The following WASHC5 variants were observed in gnomAD, a reference collection of about 807,000 sequenced individuals.
WASHC5 encodes WASH complex subunit 5, also known as WASH complex subunit strumpellin.
In WASHC5, 101 loss-of-function variants were observed where a neutral mutation model predicts 150.4. That is an observed-to-expected ratio of 0.67 (90% confidence interval 0.57 to 0.79). The LOEUF (loss-of-function observed/expected upper bound fraction) is 0.79. Among genes scored for constraint, WASHC5 ranks in the 30% least tolerant of loss-of-function variants. The probability of loss-of-function intolerance (pLI) is 0.00; values close to 1 mark genes in which losing one functional copy is unlikely to be tolerated. For missense variants in WASHC5, 1,195 were observed against 1,396.3 expected (o/e 0.86, Z 2.30); for synonymous variants, 467 against 491.2 (o/e 0.95, Z 0.65).
At chr8:125,057,509 C>T in intron 15 of WASHC5, 47 bp downstream of exon 15, 1 of 1,215,896 alleles carries the variant, frequency 8.2e-7, no homozygotes, top group Non-Finnish European at 1.2e-6. Context: ...GTATTTAAAA[C>T]AGCAGTTATC....
At chr8:125,087,469 C>G (rs1302613571) in intron 1 of WASHC5, among the ~76,000 whole-genome samples, 1 of 152,112 alleles carries the variant, frequency 6.6e-6, no homozygotes, top group Admixed American at 6.5e-5. Flanking sequence ...TGGCTCACAC[C>G]TGTAATCCTA....
In WASHC5 at chr8:125,087,582, T is replaced by C. The variant is rs139690676; in HGVS notation, c.-124-3560A>G. Among the ~76,000 whole-genome samples the C allele has an allele frequency of 1.7e-4, 26 of 151,890 alleles. No individual in the cohort carries two copies. In the East Asian group the frequency reaches 3.7e-3, roughly 21 times the overall value. ...TTGTCTCTACTAAAAATCAAAAGAA[T>C]ATCAGTCAGGTATGGTGGTGCGAGC... On this transcript the variant is annotated intron_variant, in intron 1 of 28. Coordinates refer to ENST00000318410, the MANE Select transcript of WASHC5 (RefSeq NM_014846.4).
At chr8:125,081,119 T>C (rs1272856489) in intron 5 of WASHC5, among the ~76,000 whole-genome samples, 2 of 152,134 alleles carry the variant, frequency 1.3e-5, no homozygotes, top group East Asian at 1.9e-4. Context: ...ATACTTCTAA[T>C]AATCTATAAT....
intron 26 of WASHC5, 135 bp downstream of exon 26, chr8:125,037,102 T>C (rs1815731790): frequency 3.0e-6 from 2 of 666,676 alleles, no homozygotes; most frequent in African/African-American, 3.6e-5. Context: ...GCATAAAGAC[T>C]CGAATTTCAT....
At chr8:125,030,847 G>A (rs1586331789) in intron 27 of WASHC5, among the ~76,000 whole-genome samples, 1 of 152,096 alleles carries the variant, frequency 6.6e-6, no homozygotes, top group African/African-American at 2.4e-5. Flanking sequence ...ACTATGGTGA[G>A]CAGCCTCTAA....
Position 125,044,610 on chromosome 8 carries a change from G to A in WASHC5, c.2593C>T (p.Gln865Ter). ...AGACCAAAGGTTCCCAAGGTGGTCT[G>A]GATTTCTGAGAAGAGGCGGCTGCTG... ...VTSSRLFSEI[Q>*]TTLGTFGLNG... Residue 865 changes from glutamine (Q) to a stop codon, truncating the protein, a stop_gained, in exon 21 of 29, where the codon CAG becomes TAG. Transcript: ENST00000318410. LOFTEE classifies it high-confidence loss of function. The A allele has an allele frequency of 1.2e-6, 2 of 1,614,068 alleles. No individual in the cohort carries two copies. The highest frequency in any genetic ancestry group is 1.7e-6 in the Non-Finnish European group (2 of 1,179,950).
At chr8:125,078,536 A>G (rs1004381037) in intron 6 of WASHC5, among the ~76,000 whole-genome samples, 4 of 152,168 alleles carry the variant, frequency 2.6e-5, no homozygotes, top group African/African-American at 9.7e-5. Flanking sequence ...CTCAAATTCC[A>G]TCTTCTCCCT....
intron 1 of WASHC5, among the ~76,000 whole-genome samples, chr8:125,090,428 A>T (rs1372949580): frequency 1.3e-5 from 2 of 152,238 alleles, no homozygotes; most frequent in African/African-American, 4.8e-5. Flanking sequence ...ATGTTAAATT[A>T]TCCTTTCAGA....
At chr8:125,028,449 C>G (rs964095621) in intron 28 of WASHC5, among the ~76,000 whole-genome samples, 171 bp downstream of exon 28, 3 of 152,180 alleles carry the variant, frequency 2.0e-5, no homozygotes, top group Admixed American at 1.3e-4. Context: ...AGGCAATTCC[C>G]ATGGTGGAAA....
At chr8:125,044,132 A>G in intron 21 of WASHC5, 38 bp from the exon 22 acceptor site, 1 of 1,365,852 alleles carries the variant, frequency 7.3e-7, no homozygotes, top group Non-Finnish European at 1.0e-6. Flanking sequence ...ACCAAACATA[A>G]TGAATTAAAC....
intron 20 of WASHC5, among the ~76,000 whole-genome samples, chr8:125,046,882 G>A (rs1586348683): frequency 6.6e-6 from 1 of 152,170 alleles, no homozygotes; most frequent in Non-Finnish European, 1.5e-5. Context: ...GCTCCTATGA[G>A]AATCTAGTAC....
At chr8:125,078,962 C>G in intron 5 of WASHC5, 32 bp from the exon 6 acceptor site, 1 of 1,559,208 alleles carries the variant, frequency 6.4e-7, no homozygotes, top group Non-Finnish European at 8.8e-7. Flanking sequence ...AAACAAAGAC[C>G]CAAAACACAC....
intron 27 of WASHC5, among the ~76,000 whole-genome samples, chr8:125,031,979 T>C (rs1392810108): frequency 2.0e-5 from 3 of 152,124 alleles, no homozygotes; most frequent in African/African-American, 4.8e-5. Flanking sequence ...TTCTTCCCCA[T>C]GGTAGTTACT....
intron 25 of WASHC5, among the ~76,000 whole-genome samples, 158 bp downstream of exon 25, chr8:125,038,672 A>G (rs1815787359): frequency 6.6e-6 from 1 of 152,168 alleles, no homozygotes; most frequent in Non-Finnish European, 1.5e-5. Flanking sequence ...AGGCGGGGAA[A>G]GTGTGATGAT....
chr8:125,044,829 T>TGC, intron 20 of WASHC5, 131 bp from the exon 21 acceptor site: 1 of 944,622 alleles, frequency 1.1e-6, no homozygotes, highest in South Asian at 1.3e-5. Flanking sequence ...TTCTAACCTC[T>TGC]GTATTCAGGC....
chr8:125,032,677 A>C, intron 26 of WASHC5: 1 of 426,196 alleles, frequency 2.3e-6, no homozygotes, highest in Non-Finnish European at 4.4e-6. Context: ...TATTGTAGCA[A>C]TTTTTAAAGA....
chr8:125,063,152 TC>T (rs1346438942), intron 11 of WASHC5, among the ~76,000 whole-genome samples: 6 of 151,542 alleles, frequency 4.0e-5, no homozygotes, highest in African/African-American at 1.5e-4. Context: ...ATAGATCCTT[TC>T]CCCCCTTTCC....
chr8:125,027,402 T>C (rs1264132136), intron 28 of WASHC5, among the ~76,000 whole-genome samples: 1 of 152,178 alleles, frequency 6.6e-6, no homozygotes, highest in Non-Finnish European at 1.5e-5. Flanking sequence ...GATAAAGAAA[T>C]TGTGATATAT....
chr8:125,028,549 T>A lies in WASHC5; in HGVS notation c.3423+71A>T, dbSNP rs924927180. On this transcript the variant is annotated intron_variant, in intron 28 of 28. Transcript: ENST00000318410. ...ACGACCTATTGGGCTTCACTCCTGA[T>A]GAATCCAGGGCCACTATTATTAGCA... The A allele has an allele frequency of 3.5e-6, 4 of 1,133,198 alleles. No homozygotes were observed. In the African/African-American group the frequency reaches 6.1e-5, roughly 17 times the overall value. The allele number at this position is 1,133,198 out of a possible 1,614,324, so 70.2% of individuals were successfully genotyped here.
Sources: allele counts gnomAD v4.1 joint callset (sites outside exome capture counted in the v4.1 genomes callset), GRCh38; gene constraint gnomAD v4.1.1; transcripts MANE v1.5; gene names NCBI Gene and HGNC (gene_info 2026-07-23, HGNC 2026-07-21).